The following PDE7B variants were observed in gnomAD, a reference collection of about 807,000 sequenced individuals.
The protein encoded by PDE7B is phosphodiesterase 7B.
Under a neutral mutation model 56.2 loss-of-function variants are expected in PDE7B, and 29 were observed. The ratio of observed to expected loss-of-function variants is 0.52; its 90% confidence interval spans 0.38 to 0.70. The LOEUF is 0.70. Among genes scored for constraint, PDE7B ranks in the 30% least tolerant of loss-of-function variants. The probability of loss-of-function intolerance (pLI) is 0.00; values close to 1 mark genes in which losing one functional copy is unlikely to be tolerated. For synonymous variants in PDE7B, 197 were observed against 196.9 expected, an observed-to-expected ratio of 1.00 and a Z score of 0.00; for missense variants, 490 against 565.0, an observed-to-expected ratio of 0.87 and a Z score of 1.35.
In PDE7B at chr6:136,192,194, C is replaced by T. The variant is rs577186973; in HGVS notation, c.*354C>T. On this transcript the variant is annotated 3_prime_UTR_variant, in exon 13 of 13. Coordinates refer to ENST00000308191, the MANE Select transcript of PDE7B (RefSeq NM_018945.4). Reference sequence around the variant, plus strand: ...TGGAACAGGCAGCAATTCCTAAGTCCGGAGCGTTTGAGCGTTTGCTATCTG... The same window carrying T: ...TGGAACAGGCAGCAATTCCTAAGTCTGGAGCGTTTGAGCGTTTGCTATCTG... The T allele has an allele frequency of 2.4e-5, 7 of 295,550 alleles. No individual in the cohort carries two copies. The South Asian group carries it at 2.5e-4, about 11-fold the overall frequency. 18.3% of individuals were successfully genotyped at this position (295,550 alleles called of 1,614,324 possible).
rs116067243 is a variant in PDE7B, at chr6:135,921,300, G to A, written c.22-26164G>A. On this transcript the variant is annotated intron_variant, in intron 1 of 12. Transcript: ENST00000308191. ...TTTCTTAGATGGACAGATATATTCA[G>A]GAGGCTGTAGAGTTCAAAAGTGGTG... Among the ~76,000 whole-genome samples the A allele has an allele frequency of 2.2e-3, 334 of 152,234 alleles. 3 individuals are homozygous for A. The highest frequency in any genetic ancestry group is 6.8e-3 in the African/African-American group (281 of 41,544).
intron 8 of PDE7B, among the ~76,000 whole-genome samples, chr6:136,173,007 T>C (rs1488195851): frequency 3.3e-5 from 5 of 151,594 alleles, no homozygotes; most frequent in African/African-American, 7.2e-5. Flanking sequence ...TAAAAGAGGA[T>C]ACAAACAAAT....
At chr6:136,102,690 G>T (rs982680568) in intron 2 of PDE7B, among the ~76,000 whole-genome samples, 1 of 152,058 alleles carries the variant, frequency 6.6e-6, no homozygotes, top group Non-Finnish European at 1.5e-5. Context: ...AGACTCCTAT[G>T]TTCCTGGTGA....
intron 2 of PDE7B, among the ~76,000 whole-genome samples, chr6:136,100,348 A>G (rs904569809): frequency 5.3e-5 from 8 of 150,716 alleles, no homozygotes; most frequent in African/African-American, 5.0e-5. Context: ...CATTGAATCT[A>G]TAAATTACTT....
intron 2 of PDE7B, among the ~76,000 whole-genome samples, chr6:136,108,291 T>G (rs1400109453): frequency 6.6e-6 from 1 of 152,058 alleles, no homozygotes; most frequent in Non-Finnish European, 1.5e-5. Flanking sequence ...TGATACAATC[T>G]GGAAAAAAGA....
intron 2 of PDE7B, among the ~76,000 whole-genome samples, chr6:135,976,575 T>C (rs901550053): frequency 2.9e-4 from 44 of 152,212 alleles, no homozygotes; most frequent in Admixed American, 3.9e-4. Context: ...TACCTCTCTC[T>C]AAATGATTCC....
rs576856904 is a variant in PDE7B at position 135,866,631 on chromosome 6, G to A, written c.21+14612G>A. 1.8e-3 allele frequency among the ~76,000 whole-genome samples: 280 copies of A among 152,180 alleles called. 3 individuals are homozygous for A. Among genetic ancestry groups the A allele is most frequent in the African/African-American group, 6.3e-3 (262 of 41,518 alleles). On this transcript the variant is annotated intron_variant, in intron 1 of 12. Transcript: ENST00000308191. ...ATTGAGCTCCTGATTTATGGCTTTC[G>A]TGCATAGAAGTTAGTGTTTTCTTGT...
At chr6:135,870,900 C>T (rs529908153) in intron 1 of PDE7B, among the ~76,000 whole-genome samples, 1 of 152,154 alleles carries the variant, frequency 6.6e-6, no homozygotes, top group African/African-American at 2.4e-5. Flanking sequence ...GGAGGAGGAG[C>T]AGGAAATGAT....
At chr6:136,003,441 C>T (rs1010694567) in intron 2 of PDE7B, among the ~76,000 whole-genome samples, 1 of 152,014 alleles carries the variant, frequency 6.6e-6, no homozygotes, top group Non-Finnish European at 1.5e-5. Context: ...TCAACAAAAT[C>T]AGTAGACTGC....
intron 1 of PDE7B, among the ~76,000 whole-genome samples, chr6:135,906,824 T>TTG (rs1423777007): frequency 5.5e-5 from 8 of 146,734 alleles, no homozygotes; most frequent in African/African-American, 2.0e-4. Context: ...TTTTTTTTTT[T>TTG]TTTTTTTTTT....
intron 2 of PDE7B, among the ~76,000 whole-genome samples, chr6:135,997,079 G>GT (rs1775577170): frequency 6.6e-6 from 1 of 152,010 alleles, no homozygotes; most frequent in Admixed American, 6.6e-5. Flanking sequence ...TTTATTCTCG[G>GT]TTTTTTTGTT....
At chr6:135,988,149 G>T (rs1775415100) in intron 2 of PDE7B, among the ~76,000 whole-genome samples, 1 of 152,070 alleles carries the variant, frequency 6.6e-6, no homozygotes, top group Non-Finnish European at 1.5e-5. Context: ...TGAAGTTAAA[G>T]AAACCACAGT....
At chr6:136,181,757 T>C (rs1779070928) in intron 11 of PDE7B, among the ~76,000 whole-genome samples, 1 of 136,028 alleles carries the variant, frequency 7.4e-6, no homozygotes, top group Non-Finnish European at 1.5e-5. Context: ...TCTCCTTGCT[T>C]TCTTAAAAAA....
At chr6:135,881,791 C>T (rs748370563) in intron 1 of PDE7B, among the ~76,000 whole-genome samples, 6 of 152,078 alleles carry the variant, frequency 3.9e-5, no homozygotes, top group Non-Finnish European at 7.4e-5. Context: ...TTTAGAAGAA[C>T]TCAAAATACT....
At chr6:136,176,066 A>T (rs1562514029) in intron 9 of PDE7B, among the ~76,000 whole-genome samples, 1 of 152,010 alleles carries the variant, frequency 6.6e-6, no homozygotes, top group African/African-American at 2.4e-5. Flanking sequence ...AATTTTTCGT[A>T]TATTTGCTGA....
intron 1 of PDE7B, among the ~76,000 whole-genome samples, chr6:135,935,384 C>T (rs969587732): frequency 6.6e-6 from 1 of 150,390 alleles, no homozygotes; most frequent in Admixed American, 6.7e-5. Context: ...GGAGTAATGG[C>T]ATCAAAACTT....
intron 2 of PDE7B, among the ~76,000 whole-genome samples, chr6:135,961,509 A>T (rs1382731380): frequency 6.6e-6 from 1 of 152,190 alleles, no homozygotes; most frequent in Non-Finnish European, 1.5e-5. Flanking sequence ...CATGATTATC[A>T]TTTAAGTAAA....
At chr6:136,141,419 A>C (rs911149194) in intron 3 of PDE7B, among the ~76,000 whole-genome samples, 4 of 152,126 alleles carry the variant, frequency 2.6e-5, no homozygotes, top group Non-Finnish European at 5.9e-5. Flanking sequence ...ATATTGGTCT[A>C]AAATTCTCCT....
intron 3 of PDE7B, among the ~76,000 whole-genome samples, chr6:136,131,048 C>T (rs927847498): frequency 6.6e-6 from 1 of 152,122 alleles, no homozygotes; most frequent in African/African-American, 2.4e-5. Context: ...ACAGCCAAAC[C>T]ATATCCATTC....
Sources: gnomAD v4.1 joint callset for allele counts (sites outside exome capture counted in the v4.1 genomes callset) on GRCh38, gnomAD v4.1.1 for gene constraint, MANE v1.5 for transcripts, NCBI Gene and HGNC (gene_info 2026-07-23, HGNC 2026-07-21) for gene names.